The following MAPRE1 variants were observed in gnomAD, a reference collection of about 807,000 sequenced individuals.
The protein encoded by MAPRE1 is microtubule-associated protein RP/EB family member 1.
Under a neutral mutation model 32.1 loss-of-function variants are expected in MAPRE1, and 5 were observed. That is an observed-to-expected ratio of 0.16 (90% CI 0.08 to 0.33). The LOEUF is 0.33. Among genes scored for constraint, MAPRE1 ranks in the 10% least tolerant of loss-of-function variants. MAPRE1 has a pLI of 1.00. For missense variants in MAPRE1, 209 were observed against 327.2 expected, an observed-to-expected ratio of 0.64 and a Z score of 2.79; for synonymous variants, 122 against 118.9, an observed-to-expected ratio of 1.03 and a Z score of -0.17.
chr20:32,842,571 G>A (rs573965782), intron 5 of MAPRE1, among the ~76,000 whole-genome samples: 1 of 152,320 alleles, frequency 6.6e-6, no homozygotes, highest in East Asian at 1.9e-4. Flanking sequence ...CTGCTGAATG[G>A]GGAATTGAGG....
At chr20:32,833,619 C>A in intron 2 of MAPRE1, 98 bp from the exon 3 acceptor site, 2 of 1,148,234 alleles carry the variant, frequency 1.7e-6, no homozygotes, top group Non-Finnish European at 2.5e-6. Flanking sequence ...TGTAGGTCTA[C>A]TTCACAATTT....
chr20:32,820,159 G>A (rs1982646895), intron 1 of MAPRE1, 131 bp downstream of exon 1: 2 of 151,626 alleles, frequency 1.3e-5, no homozygotes, highest in African/African-American at 4.9e-5. Flanking sequence ...CGAGCCGGGT[G>A]GGGGAAGGGC....
chr20:32,834,410 C>T (rs1983127501), intron 3 of MAPRE1, among the ~76,000 whole-genome samples: 1 of 152,210 alleles, frequency 6.6e-6, no homozygotes, highest in Admixed American at 6.5e-5. Context: ...CATGGTCCAC[C>T]AGGCATGGTT....
intron 2 of MAPRE1, among the ~76,000 whole-genome samples, chr20:32,826,478 C>G (rs1358662532): frequency 6.8e-6 from 1 of 147,114 alleles, no homozygotes; most frequent in East Asian, 2.0e-4. Context: ...CCTCGGTCTC[C>G]CAACGTGCTG....
chr20:32,833,675 T>C, intron 2 of MAPRE1, 42 bp from the exon 3 acceptor site: 5 of 1,582,232 alleles, frequency 3.2e-6, no homozygotes, highest in Non-Finnish European at 4.3e-6. Flanking sequence ...AAGTTCACCC[T>C]GCTTCTTTAA....
intron 5 of MAPRE1, chr20:32,843,283 TG>T (rs1448862162): frequency 3.9e-5 from 6 of 152,114 alleles, no homozygotes; most frequent in Non-Finnish European, 7.4e-5. Context: ...TTTGTAAATA[TG>T]GAAAATGGAG....
At chr20:32,842,774 C>T (rs950255082) in intron 5 of MAPRE1, among the ~76,000 whole-genome samples, 1 of 152,186 alleles carries the variant, frequency 6.6e-6, no homozygotes, top group Admixed American at 6.5e-5. Flanking sequence ...GACTTGGTGC[C>T]TGCCTGTGTT....
Position 32,836,951 on chromosome 20 carries a change from T to C in MAPRE1, c.475+110T>C, listed in dbSNP as rs180918081. ...ATAGGCTTAGGGATCTTAAGAAATA[T>C]AATCCCAGGCATGTGGCCAGAGTAT... On this transcript the variant is annotated intron_variant, in intron 4 of 6. Coordinates refer to ENST00000375571, the MANE Select transcript of MAPRE1 (RefSeq NM_012325.3). 148 of 962,742 alleles carry C rather than the reference T, an allele frequency of 1.5e-4. No homozygotes were observed. The African/African-American group carries it at 1.7e-3, about 11-fold the overall frequency. The allele number at this position is 962,742 out of a possible 1,614,324, so 59.6% of individuals were successfully genotyped here.
At chr20:32,846,527 A>C in intron 5 of MAPRE1, 91 bp from the exon 6 acceptor site, 1 of 1,248,144 alleles carries the variant, frequency 8.0e-7, no homozygotes, top group Non-Finnish European at 1.2e-6. Flanking sequence ...GTTTGATCAA[A>C]GACCACATCT....
chr20:32,823,123 C>A (rs1415578721), intron 1 of MAPRE1, among the ~76,000 whole-genome samples: 2 of 152,188 alleles, frequency 1.3e-5, no homozygotes, highest in Non-Finnish European at 2.9e-5. Context: ...GATGTGAGGG[C>A]ACGCAGACCT....
In MAPRE1 at chr20:32,830,059, A is replaced by C. The variant is rs181280211; in HGVS notation, c.122-3658A>C. ...CCCCTCTGCATTTTCTCAAGAGCACAGCTTGGTCCTCTGCACATGTAGAGG... is the reference window on the plus strand; with the variant it reads ...CCCCTCTGCATTTTCTCAAGAGCACCGCTTGGTCCTCTGCACATGTAGAGG... On this transcript the variant is annotated intron_variant, in intron 2 of 6. Transcript: ENST00000375571. Among the ~76,000 whole-genome samples, 8 of 152,282 alleles carry C rather than the reference A, an allele frequency of 5.3e-5. No individual in the cohort carries two copies. The East Asian group carries it at 1.5e-3, about 29-fold the overall frequency.
intron 3 of MAPRE1, among the ~76,000 whole-genome samples, chr20:32,835,296 G>T (rs546688522): frequency 6.7e-6 from 1 of 149,502 alleles, no homozygotes; most frequent in Admixed American, 6.6e-5. Context: ...CAGTATTCTT[G>T]TATAATAGAA....
intron 2 of MAPRE1, among the ~76,000 whole-genome samples, chr20:32,832,114 C>T (rs550043981): frequency 6.6e-6 from 1 of 152,196 alleles, no homozygotes; most frequent in Non-Finnish European, 1.5e-5. Flanking sequence ...TGTTGACTTT[C>T]CAAAAATAAC....
chr20:32,839,960 G>A lies in MAPRE1; in HGVS notation c.597+104G>A, dbSNP rs1380730020. On this transcript the variant is annotated intron_variant, in intron 5 of 6. Coordinates refer to ENST00000375571, the MANE Select transcript of MAPRE1 (RefSeq NM_012325.3). ...TCTTAAATGAACACCTGCCTTGTTT[G>A]CTTGCCAGAGCATGTGACACGTGTG... is the stretch of plus-strand genomic sequence containing the variant. 29 of 1,499,384 alleles carry A rather than the reference G, an allele frequency of 1.9e-5. No individual in the cohort carries two copies. In the East Asian group the frequency reaches 6.7e-4, roughly 34 times the overall value. The allele number at this position is 1,499,384 out of a possible 1,614,324, so 92.9% of individuals were successfully genotyped here. A position where few individuals can be genotyped will look rare whatever the true frequency, so the allele number is the denominator to read the frequency against.
chr20:32,845,016 TATGTATGTATGTATGTATGAATGA>T (rs1401872486), intron 5 of MAPRE1, among the ~76,000 whole-genome samples: 1 of 141,980 alleles, frequency 7.0e-6, no homozygotes, highest in Non-Finnish European at 1.5e-5. Context: ...TGTATGTATG[TATGTATGTATGTATGTATGAATGA>T]ATGAATGAAT....
At chr20:32,821,790 A>G (rs1982710517) in intron 1 of MAPRE1, among the ~76,000 whole-genome samples, 1 of 152,136 alleles carries the variant, frequency 6.6e-6, no homozygotes, top group Non-Finnish European at 1.5e-5. Context: ...GAATTTGTAT[A>G]GGTTTGGGAT....
intron 2 of MAPRE1, among the ~76,000 whole-genome samples, chr20:32,832,980 C>A (rs943190913): frequency 2.0e-5 from 3 of 151,196 alleles, no homozygotes; most frequent in African/African-American, 7.3e-5. Context: ...TAGAGGAACA[C>A]AAAAATGTCT....
chr20:32,841,682 C>T (rs1168596440), intron 5 of MAPRE1, among the ~76,000 whole-genome samples: 1 of 149,016 alleles, frequency 6.7e-6, no homozygotes, highest in Non-Finnish European at 1.5e-5. Flanking sequence ...TGTTCTCATC[C>T]GCTCAGCTCT....
chr20:32,836,103 C>T (rs770788406), intron 3 of MAPRE1, among the ~76,000 whole-genome samples: 7 of 152,030 alleles, frequency 4.6e-5, no homozygotes, highest in East Asian at 1.9e-4. Flanking sequence ...GGACCATAGG[C>T]GCATGCCACC....
Sources: gnomAD v4.1 joint callset for allele counts (sites outside exome capture counted in the v4.1 genomes callset) on GRCh38, gnomAD v4.1.1 for gene constraint, MANE v1.5 for transcripts, NCBI Gene and HGNC (gene_info 2026-07-23, HGNC 2026-07-21) for gene names.